Variants in RBM26 observed in about 807,000 individuals in gnomAD.
The protein encoded by RBM26 is RNA-binding protein 26.
RBM26 carries 30 observed loss-of-function variants against 123.6 expected under a neutral mutation model. The observed-to-expected ratio is 0.24, with a 90% CI of 0.18 to 0.33. RBM26 has a LOEUF of 0.33. RBM26 is among the 10% of genes least tolerant of loss of function. The pLI is 1.00. For synonymous variants in RBM26, 400 were observed against 404.4 expected, an observed-to-expected ratio of 0.99 and a Z score of 0.13; for missense variants, 947 against 1,203.6, an observed-to-expected ratio of 0.79 and a Z score of 3.15.
At chr13:79,371,805 C>A (rs994107847) in intron 4 of RBM26, 37 bp downstream of exon 4, 1 of 1,374,604 alleles carries the variant, frequency 7.3e-7, no homozygotes, top group Non-Finnish European at 1.0e-6. Context: ...AGATAACTTA[C>A]ATCGAAACAC....
At position 79,377,542 on chromosome 13, in the gene RBM26, T is replaced by C. The variant is rs768528449; in HGVS notation, c.191-27A>G. Reference sequence around the variant, plus strand: ...TAAAAATAAAACCAAACACCATAGATTAAAACACATTTGTTAAGATTAATT... The same window carrying C: ...TAAAAATAAAACCAAACACCATAGACTAAAACACATTTGTTAAGATTAATT... On this transcript the variant is annotated intron_variant, in intron 2 of 21. Transcript: ENST00000438737. The C allele has an allele frequency of 4.5e-6, 7 of 1,542,466 alleles. No individual in the cohort carries two copies. In the African/African-American group the frequency reaches 8.2e-5, roughly 18 times the overall value.
chr13:79,365,830 T>C, intron 8 of RBM26, 112 bp from the exon 9 acceptor site: 2 of 967,264 alleles, frequency 2.1e-6, no homozygotes, highest in East Asian at 2.7e-5. Flanking sequence ...TATAACATGC[T>C]CTATATGTAT....
chr13:79,345,887 A>G (rs1321041485), intron 14 of RBM26, among the ~76,000 whole-genome samples: 6 of 152,208 alleles, frequency 3.9e-5, no homozygotes, highest in Admixed American at 3.9e-4. Flanking sequence ...TTTATCCTTC[A>G]AAAGAAAAAC....
chr13:79,366,489 T>C lies in RBM26; in HGVS notation c.1135+144A>G, dbSNP rs1265272652. 7.0e-6 allele frequency: 6 copies of C among 859,124 alleles called. No homozygotes were observed. In the East Asian group the frequency reaches 1.7e-4, roughly 24 times the overall value. The allele number at this position is 859,124 out of a possible 1,614,324, so 53.2% of individuals were successfully genotyped here. A position where few individuals can be genotyped will look rare whatever the true frequency, so the allele number is the denominator to read the frequency against. On this transcript the variant is annotated intron_variant, in intron 7 of 21. Coordinates refer to ENST00000438737, the MANE Select transcript of RBM26 (RefSeq NM_001366735.2). Reference sequence around the variant, plus strand: ...GCACAGGCTACAAAGTGGAGGTGTATTCCAAATGGAAGTATACTGCTATTA... The same window carrying C: ...GCACAGGCTACAAAGTGGAGGTGTACTCCAAATGGAAGTATACTGCTATTA...
At chr13:79,371,610 A>G (rs2075888112) in intron 4 of RBM26, among the ~76,000 whole-genome samples, 1 of 152,110 alleles carries the variant, frequency 6.6e-6, no homozygotes, top group South Asian at 2.1e-4. Flanking sequence ...ATCTGAAGTT[A>G]GGAATAAAAA....
chr13:79,365,858 T>A, intron 8 of RBM26, 140 bp from the exon 9 acceptor site: 1 of 961,026 alleles, frequency 1.0e-6, no homozygotes, highest in African/African-American at 1.7e-5. Context: ...AAAATAACTT[T>A]ATTTAAAAAA....
chr13:79,357,719 G>C (rs2139624167), intron 11 of RBM26, among the ~76,000 whole-genome samples: 1 of 152,246 alleles, frequency 6.6e-6, no homozygotes, highest in African/African-American at 2.4e-5. Context: ...ACTATTGTAA[G>C]ATTGGATTTT....
At chr13:79,354,309 G>A in intron 13 of RBM26, 130 bp downstream of exon 13, 1 of 700,628 alleles carries the variant, frequency 1.4e-6, no homozygotes, top group Non-Finnish European at 2.1e-6. Flanking sequence ...CCTTATAGGT[G>A]GGGTTCAAAT....
At chr13:79,400,984 G>A (rs532528699) in intron 1 of RBM26, among the ~76,000 whole-genome samples, 2 of 152,214 alleles carry the variant, frequency 1.3e-5, no homozygotes, top group East Asian at 1.9e-4. Flanking sequence ...GACTAGAAGC[G>A]TTTTATCTTT....
downstream of RBM26, among the ~76,000 whole-genome samples, chr13:79,316,088 A>G (rs563669718): frequency 5.3e-5 from 8 of 151,894 alleles, no homozygotes; most frequent in East Asian, 1.2e-3. Flanking sequence ...TTTTATAAGA[A>G]CAAGAAAAGC....
chr13:79,339,694 TAAC>T (rs2071048560), intron 18 of RBM26, among the ~76,000 whole-genome samples: 1 of 152,098 alleles, frequency 6.6e-6, no homozygotes, highest in Non-Finnish European at 1.5e-5. Flanking sequence ...TAAACTTGAG[TAAC>T]ACTGAATACT....
chr13:79,359,291 A>C (rs1224203572), intron 10 of RBM26, among the ~76,000 whole-genome samples: 1 of 152,132 alleles, frequency 6.6e-6, no homozygotes, highest in Non-Finnish European at 1.5e-5. Context: ...TCCTGTATAT[A>C]GCTAGTATTC....
chr13:79,324,501 A>G (rs1219483197), intron 20 of RBM26, among the ~76,000 whole-genome samples: 1 of 151,838 alleles, frequency 6.6e-6, no homozygotes, highest in Non-Finnish European at 1.5e-5. Flanking sequence ...AATTGAATGA[A>G]GTTTGGTGAT....
chr13:79,340,654 GTTTA>G (rs895028360), intron 18 of RBM26, among the ~76,000 whole-genome samples: 5 of 151,922 alleles, frequency 3.3e-5, no homozygotes, highest in Non-Finnish European at 5.9e-5. Context: ...CAAGAAAGAA[GTTTA>G]TTTCTCTTTT....
chr13:79,377,412 A>C lies in RBM26; in HGVS notation c.294T>G (p.Phe98Leu), dbSNP rs1274396951. 3.1e-6 allele frequency: 5 copies of C among 1,613,884 alleles called. No individual in the cohort carries two copies. In the South Asian group the frequency reaches 5.5e-5, roughly 18 times the overall value. ...TCTTTATATCTTTTTCTTGGTGTGG[A>C]AAAAATTCTACCTTCAGGCTTCCTG... ...PSSGSLKVEF[F>L]PHQEKDIKKE... Residue 98 changes from phenylalanine to leucine, a missense_variant, in exon 3 of 22, where the codon TTT becomes TTG. By Grantham distance (22) the Phe-to-Leu change is conservative (BLOSUM62 0). Transcript: ENST00000438737.
intron 1 of RBM26, among the ~76,000 whole-genome samples, chr13:79,393,703 C>G (rs914635945): frequency 6.6e-6 from 1 of 152,168 alleles, no homozygotes; most frequent in African/African-American, 2.4e-5. Context: ...CTCCTCCCCC[C>G]GTATGACCAC....
At chr13:79,361,495 C>T (rs577122272) in intron 9 of RBM26, among the ~76,000 whole-genome samples, 1 of 152,302 alleles carries the variant, frequency 6.6e-6, no homozygotes, top group South Asian at 2.1e-4. Context: ...CTCACTAATC[C>T]TCTGAAAACT....
chr13:79,340,187 T>C (rs942185646), intron 18 of RBM26, among the ~76,000 whole-genome samples: 6 of 152,064 alleles, frequency 3.9e-5, no homozygotes, highest in African/African-American at 1.4e-4. Flanking sequence ...AAAAAAATAC[T>C]GGGCAGGACA....
intron 20 of RBM26, among the ~76,000 whole-genome samples, chr13:79,334,137 T>C (rs1484874641): frequency 2.0e-5 from 3 of 152,186 alleles, no homozygotes; most frequent in Non-Finnish European, 4.4e-5. Context: ...GGTGACTAAA[T>C]ATGTATTTTA....
Sources: gnomAD v4.1 joint callset for allele counts (sites outside exome capture counted in the v4.1 genomes callset) on GRCh38, gnomAD v4.1.1 for gene constraint, MANE v1.5 for transcripts, NCBI Gene and HGNC (gene_info 2026-07-23, HGNC 2026-07-21) for gene names.